NALF1: variants seen among roughly 807,000 people sequenced by gnomAD.
NALF1 encodes the protein family with sequence similarity 155 member A.
In NALF1, 3 loss-of-function variants were observed where a neutral mutation model predicts 48.4. The observed-to-expected ratio is 0.06, with a 90% CI of 0.03 to 0.16. The LOEUF (loss-of-function observed/expected upper bound fraction) is 0.16. Ranked by LOEUF, NALF1 falls within the 10% of genes least tolerant of loss-of-function variation. NALF1 has a pLI of 1.00. For synonymous variants in NALF1, 262 were observed against 245.7 expected (o/e 1.07, Z -0.62); for missense variants, 526 against 571.5 (o/e 0.92, Z 0.81).
At chr13:107,416,794 T>C (rs1884096495) in intron 1 of NALF1, among the ~76,000 whole-genome samples, 1 of 152,194 alleles carries the variant, frequency 6.6e-6, no homozygotes. Context: ...CAAATATGTG[T>C]TCTTTAAAAC....
chr13:107,206,306 A>G (rs1020521373), intron 2 of NALF1, among the ~76,000 whole-genome samples: 7 of 152,206 alleles, frequency 4.6e-5, no homozygotes, highest in Admixed American at 1.3e-4. Flanking sequence ...TGCGCTTGTC[A>G]TCAAGATCCG....
At chr13:107,731,470 G>T (rs1039740322) in intron 1 of NALF1, among the ~76,000 whole-genome samples, 2 of 151,918 alleles carry the variant, frequency 1.3e-5, no homozygotes, top group East Asian at 3.9e-4. Context: ...GTATCAGAGG[G>T]GTTTGTTTTA....
intron 1 of NALF1, among the ~76,000 whole-genome samples, chr13:107,611,107 C>A (rs1281795632): frequency 6.6e-6 from 1 of 152,138 alleles, no homozygotes; most frequent in African/African-American, 2.4e-5. Context: ...TTGTGTGATA[C>A]TTTGTGTAAT....
At chr13:107,212,184 C>G (rs191934607) in intron 1 of NALF1, among the ~76,000 whole-genome samples, 1 of 152,168 alleles carries the variant, frequency 6.6e-6, no homozygotes, top group African/African-American at 2.4e-5. Flanking sequence ...TTAGGTTGAT[C>G]AAAATGACGC....
chr13:107,743,285 TA>T (rs1175389208), intron 1 of NALF1, among the ~76,000 whole-genome samples: 5 of 152,206 alleles, frequency 3.3e-5, no homozygotes, highest in Non-Finnish European at 5.9e-5. Context: ...TATAAGTGTG[TA>T]AGTGATTCGT....
chr13:107,244,546 A>G (rs1880540458), intron 1 of NALF1, among the ~76,000 whole-genome samples: 1 of 152,142 alleles, frequency 6.6e-6, no homozygotes, highest in Non-Finnish European at 1.5e-5. Flanking sequence ...CTCTGTGTCA[A>G]TCTAGTTTTT....
At chr13:107,704,689 GCTACAGTCATT>G (rs1361901951) in intron 1 of NALF1, among the ~76,000 whole-genome samples, 1 of 152,058 alleles carries the variant, frequency 6.6e-6, no homozygotes, top group Non-Finnish European at 1.5e-5. Flanking sequence ...TATCTGCATG[GCTACAGTCATT>G]CTCAGGTAAA....
At chr13:107,260,319 T>A (rs1016065934) in intron 1 of NALF1, among the ~76,000 whole-genome samples, 1 of 152,198 alleles carries the variant, frequency 6.6e-6, no homozygotes, top group Admixed American at 6.5e-5. Flanking sequence ...TCCAGAAGAC[T>A]GAGGTTTAAA....
intron 1 of NALF1, among the ~76,000 whole-genome samples, chr13:107,380,446 G>A (rs1050351993): frequency 6.6e-6 from 1 of 152,120 alleles, no homozygotes; most frequent in Non-Finnish European, 1.5e-5. Context: ...TATAAAACAT[G>A]TGTCTATATT....
chr13:107,179,914 A>G (rs1226783557), intron 2 of NALF1, among the ~76,000 whole-genome samples: 5 of 145,904 alleles, frequency 3.4e-5, no homozygotes, highest in Non-Finnish European at 7.5e-5. Context: ...TGCTGTTCTT[A>G]TAACGCACCA....
intron 1 of NALF1, among the ~76,000 whole-genome samples, chr13:107,600,688 T>G (rs907145508): frequency 1.3e-5 from 2 of 152,178 alleles, no homozygotes; most frequent in African/African-American, 4.8e-5. Context: ...TATTAACTTA[T>G]ATAGACCCTC....
chr13:107,736,229 G>A (rs1444311633), intron 1 of NALF1, among the ~76,000 whole-genome samples: 9 of 141,814 alleles, frequency 6.3e-5, no homozygotes, highest in South Asian at 4.6e-4. Context: ...ACACACGCGC[G>A]CGTGTACCTA....
At position 107,165,847 on chromosome 13, in the gene NALF1, AGATATTTT is replaced by A. The variant is rs1878646055; in HGVS notation, c.*4642_*4649del. The A allele has an allele frequency of 6.6e-6, 1 of 152,014 alleles. No homozygotes were observed. Among genetic ancestry groups the A allele is most frequent in the Non-Finnish European group, 1.5e-5 (1 of 68,020 alleles). 9.4% of individuals were successfully genotyped at this position (152,014 alleles called of 1,614,324 possible). On this transcript the variant is annotated 3_prime_UTR_variant, in exon 3 of 3. Transcript: ENST00000375915. ...AAAATTGTGATTTATTCATTAATGG[AGATATTTT>A]GAGAGTCTGTTTCCCTTGTCAAAGT...
At position 107,164,990 on chromosome 13, in the gene NALF1, C is replaced by G. The variant is rs1241086300; in HGVS notation, c.*5507G>C. 1 of 152,172 alleles carries G rather than the reference C, an allele frequency of 6.6e-6. No individual in the cohort carries two copies. Among genetic ancestry groups the G allele is most frequent in the Admixed American group, 6.5e-5 (1 of 15,276 alleles). 9.4% of individuals were successfully genotyped at this position (152,172 alleles called of 1,614,324 possible). A position where few individuals can be genotyped will look rare whatever the true frequency, so the allele number is the denominator to read the frequency against. The stretch of plus-strand genomic sequence containing the variant: ...CTCTTTTAAGCCTCCAATGTTGCCA[C>G]GAAGTATTCTTCTTGCATGAGGTGT... On this transcript the variant is annotated 3_prime_UTR_variant, in exon 3 of 3. Transcript: ENST00000375915.
intron 1 of NALF1, among the ~76,000 whole-genome samples, chr13:107,225,217 C>G (rs1880077936): frequency 1.3e-5 from 2 of 152,162 alleles, no homozygotes; most frequent in Non-Finnish European, 1.5e-5. Flanking sequence ...CCATGTTGGC[C>G]AGGCTGGTCT....
chr13:107,820,778 G>A (rs915369120), intron 1 of NALF1, among the ~76,000 whole-genome samples: 1 of 152,090 alleles, frequency 6.6e-6, no homozygotes, highest in Non-Finnish European at 1.5e-5. Context: ...CTAGTCTGTG[G>A]CTTAATAACC....
chr13:107,671,708 A>G (rs956965433), intron 1 of NALF1, among the ~76,000 whole-genome samples: 5 of 152,176 alleles, frequency 3.3e-5, no homozygotes, highest in Non-Finnish European at 5.9e-5. Flanking sequence ...ATGGTAATAT[A>G]CAAGACCAGA....
chr13:107,613,830 T>G (rs1408819525), intron 1 of NALF1, among the ~76,000 whole-genome samples: 1 of 152,232 alleles, frequency 6.6e-6, no homozygotes, highest in East Asian at 1.9e-4. Flanking sequence ...ATCCTATTTC[T>G]TATTGGGCAG....
chr13:107,528,644 A>T (rs1876523081), intron 1 of NALF1, among the ~76,000 whole-genome samples: 1 of 152,138 alleles, frequency 6.6e-6, no homozygotes, highest in Non-Finnish European at 1.5e-5. Context: ...ACTGAGAATA[A>T]ATTTGGGTCA....
Sources: allele counts gnomAD v4.1 joint callset (sites outside exome capture counted in the v4.1 genomes callset), GRCh38; gene constraint gnomAD v4.1.1; transcripts MANE v1.5; gene names NCBI Gene and HGNC (gene_info 2026-07-23, HGNC 2026-07-21).